Variants in FAM178B observed in about 807,000 individuals in gnomAD.
The protein encoded by FAM178B is family with sequence similarity 178 member B.
FAM178B carries 82 observed loss-of-function variants against 91.7 expected under a neutral mutation model. The observed-to-expected ratio is 0.89, with a 90% CI of 0.75 to 1.07. The LOEUF is 1.07. FAM178B is among the 50% of genes least tolerant of loss of function. The probability of loss-of-function intolerance (pLI) is 0.00; values close to 1 mark genes in which losing one functional copy is unlikely to be tolerated. For missense variants in FAM178B, 769 were observed against 846.7 expected, an observed-to-expected ratio of 0.91 and a Z score of 1.14; for synonymous variants, 368 against 359.4, an observed-to-expected ratio of 1.02 and a Z score of -0.27.
At chr2:96,894,177 G>T in intron 13 of FAM178B, 126 bp from the exon 14 acceptor site, 1 of 1,053,284 alleles carries the variant, frequency 9.5e-7, no homozygotes, top group Non-Finnish European at 1.4e-6. Context: ...CTGAGACACA[G>T]ACCCACCTCT....
At chr2:96,892,983 CCA>C (rs1232838512) in intron 14 of FAM178B, among the ~76,000 whole-genome samples, 2 of 152,238 alleles carry the variant, frequency 1.3e-5, no homozygotes, top group Non-Finnish European at 2.9e-5. Flanking sequence ...ACAACCTTCC[CCA>C]CATGTTCCAG....
chr2:96,878,109 G>A, intron 15 of FAM178B, 67 bp from the exon 16 acceptor site: 2 of 1,550,562 alleles, frequency 1.3e-6, no homozygotes, highest in South Asian at 1.1e-5. Context: ...AGCCGGGCAG[G>A]AGGAGAACAA....
chr2:96,946,570 C>G (rs1275171989), intron 8 of FAM178B, among the ~76,000 whole-genome samples: 1 of 152,218 alleles, frequency 6.6e-6, no homozygotes, highest in African/African-American at 2.4e-5. Context: ...GTTAGAAGAG[C>G]CAGAGCTAAG....
In FAM178B at chr2:96,950,715, T is replaced by G. The variant is rs139839653; in HGVS notation, c.993+664A>C. ...CACTGCCTCTCTCTGTGCAAAGGTGTCAAGCCCTGGGCAAAATGTATGTTC... is the reference window on the plus strand; with the variant it reads ...CACTGCCTCTCTCTGTGCAAAGGTGGCAAGCCCTGGGCAAAATGTATGTTC... On this transcript the variant is annotated intron_variant, in intron 7 of 16. Transcript: ENST00000490605. Among the ~76,000 whole-genome samples, 21 of 152,256 alleles carry G rather than the reference T, an allele frequency of 1.4e-4. No homozygotes were observed. The East Asian group carries it at 4.1e-3, about 29-fold the overall frequency.
intron 12 of FAM178B, among the ~76,000 whole-genome samples, chr2:96,904,266 G>A (rs978707214): frequency 6.6e-6 from 1 of 152,156 alleles, no homozygotes; most frequent in African/African-American, 2.4e-5. Context: ...CCTACGGGGG[G>A]GTGTTGTGAT....
chr2:96,884,441 AGGAAAGC>A (rs2080466873), intron 14 of FAM178B, among the ~76,000 whole-genome samples: 3 of 152,182 alleles, frequency 2.0e-5, no homozygotes, highest in African/African-American at 7.2e-5. Flanking sequence ...AGGGTGGAGG[AGGAAAGC>A]CCTTTGCAGG....
At chr2:96,948,319 G>A (rs1014999794) in intron 7 of FAM178B, among the ~76,000 whole-genome samples, 1 of 152,226 alleles carries the variant, frequency 6.6e-6, no homozygotes, top group Non-Finnish European at 1.5e-5. Context: ...CAATCACAGG[G>A]TGGGCCCTCT....
rs370372416 is a variant in FAM178B, at chr2:96,921,464, T to A, written c.1464+14A>T. The stretch of plus-strand genomic sequence containing the variant: ...ATGAAGCTGTATGAGGACCAGGCTC[T>A]GGGCGTCTAGTACCTTCCCTGGCCA... On this transcript the variant is annotated intron_variant, in intron 11 of 16. Coordinates refer to ENST00000490605, the MANE Select transcript of FAM178B (RefSeq NM_001122646.3). The A allele has an allele frequency of 1.3e-6, 2 of 1,551,642 alleles. No individual in the cohort carries two copies. Among genetic ancestry groups the A allele is most frequent in the Non-Finnish European group, 1.7e-6 (2 of 1,146,958 alleles).
Position 96,986,464 on chromosome 2 carries a change from A to T in FAM178B, c.-151T>A. 1.1e-6 allele frequency: 1 copy of T among 876,278 alleles called. No homozygotes were observed. Among genetic ancestry groups the T allele is most frequent in the Non-Finnish European group, 1.7e-6 (1 of 595,072 alleles). 54.3% of individuals were successfully genotyped at this position (876,278 alleles called of 1,614,324 possible). A position where few individuals can be genotyped will look rare whatever the true frequency, so the allele number is the denominator to read the frequency against. On this transcript the variant is annotated 5_prime_UTR_variant, in exon 1 of 17. Transcript: ENST00000490605. Reference sequence around the variant, plus strand: ...CCCCAAGAGTTGCGTCCCTAGATCCAGGGCCGCCAACGTGGAACCTAAAGA... The same window carrying T: ...CCCCAAGAGTTGCGTCCCTAGATCCTGGGCCGCCAACGTGGAACCTAAAGA...
rs151272899 is a variant in FAM178B, at chr2:96,921,469, G to C, written c.1464+9C>G. 8 of 1,551,518 alleles carry C rather than the reference G, an allele frequency of 5.2e-6. No individual in the cohort carries two copies. The Admixed American group carries it at 9.8e-5, about 19-fold the overall frequency. ...GCTGTATGAGGACCAGGCTCTGGGCGTCTAGTACCTTCCCTGGCCACTCCC... is the reference window on the plus strand; with the variant it reads ...GCTGTATGAGGACCAGGCTCTGGGCCTCTAGTACCTTCCCTGGCCACTCCC... On this transcript the variant is annotated intron_variant, in intron 11 of 16. Transcript: ENST00000490605.
chr2:96,946,224 TC>T (rs922338223), intron 8 of FAM178B, among the ~76,000 whole-genome samples: 1 of 152,200 alleles, frequency 6.6e-6, no homozygotes, highest in Non-Finnish European at 1.5e-5. Context: ...AAATAATACA[TC>T]ATGGACATTC....
chr2:96,943,526 T>TA (rs2081769425), intron 8 of FAM178B, among the ~76,000 whole-genome samples: 1 of 152,202 alleles, frequency 6.6e-6, no homozygotes, highest in African/African-American at 2.4e-5. Context: ...GTTCTGGAAG[T>TA]AGACAGTGGT....
chr2:96,886,302 T>A (rs2080518780), intron 14 of FAM178B, among the ~76,000 whole-genome samples: 1 of 152,208 alleles, frequency 6.6e-6, no homozygotes, highest in Admixed American at 6.5e-5. Context: ...AGCTTGCCAA[T>A]GTGACTGGCT....
intron 12 of FAM178B, among the ~76,000 whole-genome samples, chr2:96,904,545 T>G (rs1267714182): frequency 6.9e-6 from 1 of 144,868 alleles, no homozygotes; most frequent in South Asian, 2.3e-4. Flanking sequence ...CTGGCTATTT[T>G]TTTTTTTTTT....
intron 13 of FAM178B, among the ~76,000 whole-genome samples, chr2:96,899,303 C>G (rs951922331): frequency 2.0e-5 from 3 of 152,254 alleles, no homozygotes; most frequent in African/African-American, 7.2e-5. Context: ...GAGTTAGTCA[C>G]TATGGCCGTG....
intron 5 of FAM178B, among the ~76,000 whole-genome samples, chr2:96,964,216 C>CA (rs55991315): frequency 0.013 from 1,912 of 149,010 alleles, 38 homozygotes; most frequent in African/African-American, 0.044. Context: ...AGAAAAACTT[C>CA]AAAAAAAAAA....
At chr2:96,959,481 G>A (rs1233005782) in intron 6 of FAM178B, among the ~76,000 whole-genome samples, 2 of 152,186 alleles carry the variant, frequency 1.3e-5, no homozygotes, top group Non-Finnish European at 2.9e-5. Context: ...CTGTATAACT[G>A]GAAAAGAGAG....
intron 1 of FAM178B, among the ~76,000 whole-genome samples, chr2:96,979,469 T>G (rs1162309266): frequency 6.6e-6 from 1 of 152,150 alleles, no homozygotes; most frequent in Non-Finnish European, 1.5e-5. Context: ...TCCAAAGTGC[T>G]GGAATTACAG....
chr2:96,886,623 ATTTGTG>A, intron 14 of FAM178B, among the ~76,000 whole-genome samples: 1 of 152,236 alleles, frequency 6.6e-6, no homozygotes, highest in African/African-American at 2.4e-5. Context: ...GCTTTCCAGG[ATTTGTG>A]TTTGTGTTTC....
Sources: allele counts gnomAD v4.1 joint callset (sites outside exome capture counted in the v4.1 genomes callset), GRCh38; gene constraint gnomAD v4.1.1; transcripts MANE v1.5; gene names NCBI Gene and HGNC (gene_info 2026-07-23, HGNC 2026-07-21).